ANKRD31: variants seen among roughly 807,000 people sequenced by gnomAD.
ANKRD31 encodes ankyrin repeat domain-containing protein 31.
ANKRD31 carries 147 observed loss-of-function variants against 186.0 expected under a neutral mutation model. The observed-to-expected ratio is 0.79, with a 90% CI of 0.69 to 0.91. ANKRD31 has a LOEUF of 0.91. Among genes scored for constraint, ANKRD31 ranks in the 40% least tolerant of loss-of-function variants. The probability of loss-of-function intolerance (pLI) is 0.00; values close to 1 mark genes in which losing one functional copy is unlikely to be tolerated. For synonymous variants in ANKRD31, 673 were observed against 736.4 expected (o/e 0.91, Z 1.39); for missense variants, 1,986 against 2,148.8 (o/e 0.92, Z 1.50).
intron 1 of ANKRD31, among the ~76,000 whole-genome samples, chr5:75,234,626 T>C (rs1758149030): frequency 6.6e-6 from 1 of 152,240 alleles, no homozygotes; most frequent in African/African-American, 2.4e-5. Flanking sequence ...TTGATTGTTT[T>C]GTAATTCTTT....
intron 3 of ANKRD31, among the ~76,000 whole-genome samples, chr5:75,216,962 G>A (rs950395921): frequency 6.6e-6 from 1 of 152,086 alleles, no homozygotes; most frequent in African/African-American, 2.4e-5. Flanking sequence ...CTTGATTTCT[G>A]CCTTAATTTC....
At chr5:75,182,179 GTTTC>G (rs1475093746) in intron 10 of ANKRD31, among the ~76,000 whole-genome samples, 2 of 152,028 alleles carry the variant, frequency 1.3e-5, no homozygotes, top group Non-Finnish European at 2.9e-5. Flanking sequence ...CCCAAATATT[GTTTC>G]TTATAGAAGG....
rs752311766 is a variant in ANKRD31, at chr5:75,218,367, C to A, written c.288+3882G>T. Among the ~76,000 whole-genome samples the A allele has an allele frequency of 1.3e-5, 2 of 152,066 alleles. 1 individual carries two copies. Among genetic ancestry groups the A allele is most frequent in the African/African-American group, 4.8e-5 (2 of 41,432 alleles). ...CAGAAGAAATGGATAAATTCCTGGA[C>A]GTATACATCCTTCCAAAACTGAATC... is the stretch of plus-strand genomic sequence containing the variant. On this transcript the variant is annotated intron_variant, in intron 3 of 25. Transcript: ENST00000506364.
chr5:75,213,315 G>A (rs1232662560), intron 3 of ANKRD31, among the ~76,000 whole-genome samples: 4 of 152,170 alleles, frequency 2.6e-5, no homozygotes, highest in Non-Finnish European at 5.9e-5. Flanking sequence ...TTTTCCTGTT[G>A]AGGACTAATT....
chr5:75,138,945 C>T lies in ANKRD31; in HGVS notation c.3634G>A (p.Gly1212Arg). Residue 1212 changes from glycine to arginine, a missense_variant, in exon 16 of 26, where the codon GGG (glycine) becomes AGG (arginine). Transcript: ENST00000506364. The stretch of plus-strand genomic sequence containing the variant: ...ACAGCTAAATGAAGCTGGCTTTCCC[C>T]TCTGGCATTCCTCTTGTTGATCCTA... ...AGRINKRNAR[G>R]ESQLHLAVRR... The T allele has an allele frequency of 6.5e-7, 1 of 1,536,862 alleles. No individual in the cohort carries two copies. The highest frequency in any genetic ancestry group is 8.7e-7 in the Non-Finnish European group (1 of 1,146,640).
intron 17 of ANKRD31, among the ~76,000 whole-genome samples, chr5:75,121,020 T>C (rs1748726823): frequency 6.6e-6 from 1 of 151,882 alleles, no homozygotes; most frequent in South Asian, 2.1e-4. Context: ...CCGTCTCTAC[T>C]AAAAATACAA....
chr5:75,202,222 T>C (rs530773944), intron 5 of ANKRD31, among the ~76,000 whole-genome samples: 1 of 152,354 alleles, frequency 6.6e-6, no homozygotes, highest in South Asian at 2.1e-4. Flanking sequence ...TCTCTTCAAA[T>C]ATTTTACAGA....
At chr5:75,099,781 C>A (rs758186614) in intron 22 of ANKRD31, among the ~76,000 whole-genome samples, 4 of 152,084 alleles carry the variant, frequency 2.6e-5, no homozygotes, top group Non-Finnish European at 4.4e-5. Flanking sequence ...GGTGATATAA[C>A]CTTGATCATT....
intron 15 of ANKRD31, among the ~76,000 whole-genome samples, chr5:75,139,578 T>C (rs540520915): frequency 5.3e-5 from 8 of 152,132 alleles, no homozygotes; most frequent in Middle Eastern, 3.4e-3. Flanking sequence ...AAAATGACAG[T>C]AAAAGAAATT....
At chr5:75,183,034 A>T (rs1280915420) in intron 10 of ANKRD31, among the ~76,000 whole-genome samples, 1 of 152,204 alleles carries the variant, frequency 6.6e-6, no homozygotes, top group Non-Finnish European at 1.5e-5. Flanking sequence ...ACTGAATTCA[A>T]CAGTACATTA....
At chr5:75,126,726 T>C (rs1268167309) in intron 17 of ANKRD31, among the ~76,000 whole-genome samples, 1 of 152,158 alleles carries the variant, frequency 6.6e-6, no homozygotes, top group Non-Finnish European at 1.5e-5. Context: ...AATGAAATAA[T>C]AGCTGAAAAG....
chr5:75,140,613 G>A (rs1750983995), intron 15 of ANKRD31, among the ~76,000 whole-genome samples: 1 of 151,976 alleles, frequency 6.6e-6, no homozygotes, highest in Non-Finnish European at 1.5e-5. Context: ...CCATATTGAG[G>A]GTATTTCATT....
chr5:75,217,413 T>C (rs955735323), intron 3 of ANKRD31, among the ~76,000 whole-genome samples: 1 of 152,200 alleles, frequency 6.6e-6, no homozygotes, highest in African/African-American at 2.4e-5. Context: ...CTGAGTTGGG[T>C]GCATACAGAT....
chr5:75,081,458 T>C (rs1745070977), intron 24 of ANKRD31, among the ~76,000 whole-genome samples: 1 of 152,210 alleles, frequency 6.6e-6, no homozygotes. Flanking sequence ...CATTTCTGAC[T>C]TCATGCTCAC....
At chr5:75,117,257 C>A (rs1446027667) in intron 18 of ANKRD31, among the ~76,000 whole-genome samples, 1 of 152,080 alleles carries the variant, frequency 6.6e-6, no homozygotes, top group Non-Finnish European at 1.5e-5. Flanking sequence ...GCAGACTTCC[C>A]TGATAAGCTG....
At chr5:75,232,775 C>T (rs1483596088) in intron 1 of ANKRD31, among the ~76,000 whole-genome samples, 1 of 152,102 alleles carries the variant, frequency 6.6e-6, no homozygotes, top group Non-Finnish European at 1.5e-5. Context: ...CTGTGACATA[C>T]GGATTACTCT....
intron 25 of ANKRD31, among the ~76,000 whole-genome samples, chr5:75,080,035 C>G (rs1744964103): frequency 6.6e-6 from 1 of 151,858 alleles, no homozygotes. Flanking sequence ...GAGATCGAGG[C>G]TGCAATGAGC....
chr5:75,078,727 C>A (rs1744853612), intron 25 of ANKRD31, among the ~76,000 whole-genome samples: 1 of 152,126 alleles, frequency 6.6e-6, no homozygotes, highest in Non-Finnish European at 1.5e-5. Context: ...AAAAATATGT[C>A]AATACATCCA....
chr5:75,128,205 C>A (rs917051968), intron 17 of ANKRD31, among the ~76,000 whole-genome samples: 1 of 145,836 alleles, frequency 6.9e-6, no homozygotes, highest in Non-Finnish European at 1.5e-5. Flanking sequence ...GGGAGTTGAA[C>A]AATGAAAACA....
Sources: gnomAD v4.1 joint callset for allele counts (sites outside exome capture counted in the v4.1 genomes callset) on GRCh38, gnomAD v4.1.1 for gene constraint, MANE v1.5 for transcripts, NCBI Gene and HGNC (gene_info 2026-07-23, HGNC 2026-07-21) for gene names.